Variants in ZHX2 observed in about 807,000 individuals in gnomAD.
The protein encoded by ZHX2 is zinc fingers and homeoboxes 2, also known as zinc fingers and homeoboxes protein 2.
A neutral mutation model predicts 21.9 loss-of-function variants in ZHX2; 6 were observed. The observed-to-expected ratio is 0.27, with a 90% CI of 0.15 to 0.54. The LOEUF is 0.54. Ranked by LOEUF, ZHX2 falls within the 20% of genes least tolerant of loss-of-function variation. The pLI, the probability that ZHX2 is intolerant of heterozygous loss-of-function variation, is 0.95. For missense variants in ZHX2, 908 were observed against 1,090.7 expected (o/e 0.83, Z 2.36); for synonymous variants, 434 against 437.1 (o/e 0.99, Z 0.09).
At chr8:122,918,479 C>A (rs1820657758) in intron 2 of ZHX2, among the ~76,000 whole-genome samples, 1 of 152,202 alleles carries the variant, frequency 6.6e-6, no homozygotes, top group South Asian at 2.1e-4. Flanking sequence ...CTTTGCCTTG[C>A]CCCTCATCCC....
At chr8:122,809,831 TATC>T (rs1817891241) in intron 1 of ZHX2, among the ~76,000 whole-genome samples, 1 of 152,198 alleles carries the variant, frequency 6.6e-6, no homozygotes, top group Non-Finnish European at 1.5e-5. Context: ...AAAGGGAGAT[TATC>T]ATTGTATCTA....
intron 2 of ZHX2, among the ~76,000 whole-genome samples, chr8:122,941,206 A>T (rs1200475202): frequency 6.6e-6 from 1 of 152,036 alleles, no homozygotes; most frequent in African/African-American, 2.4e-5. Context: ...TGATCATGCC[A>T]CTCCACTCCA....
At chr8:122,917,034 C>A (rs963421712) in intron 2 of ZHX2, among the ~76,000 whole-genome samples, 1 of 152,180 alleles carries the variant, frequency 6.6e-6, no homozygotes, top group Non-Finnish European at 1.5e-5. Context: ...TCCCCAGTCC[C>A]CCCCACCAGG....
In ZHX2 at chr8:122,952,558, G is replaced by A. The variant is rs375789703; in HGVS notation, c.1048G>A (p.Ala350Thr). 240 of 1,614,008 alleles carry A rather than the reference G, an allele frequency of 1.5e-4. No individual in the cohort carries two copies. The highest frequency in any genetic ancestry group is 3.3e-4 in the Middle Eastern group (2 of 6,084). ...ACCCCCGACCATCACTGTGCTGCCCGCCCAGTTGGCCCCCACAAAGGTGAC... is the reference window on the plus strand; with the variant it reads ...ACCCCCGACCATCACTGTGCTGCCCACCCAGTTGGCCCCCACAAAGGTGAC... ...SVPPTITVLP[A>T]QLAPTKVTQP... The change falls in exon 3 of 4, where the codon GCC becomes ACC. Residue 350 changes from alanine (A) to threonine (T), a missense_variant. By Grantham distance (58) the Ala-to-Thr change is moderately conservative. Around this residue, in one of 4 missense-constraint regions of ZHX2, gnomAD observed 232 missense variants for 361.8 expected, o/e 0.64. Transcript: ENST00000314393. The surrounding 1 kb of genome is among the most constrained non-coding windows in gnomAD (Gnocchi z 6.9).
intron 2 of ZHX2, among the ~76,000 whole-genome samples, chr8:122,943,310 G>A (rs760729572): frequency 3.3e-5 from 5 of 152,060 alleles, no homozygotes; most frequent in African/African-American, 9.7e-5. Flanking sequence ...TAGGCCCTAC[G>A]CCAGACACAC....
intron 2 of ZHX2, among the ~76,000 whole-genome samples, chr8:122,918,258 C>T (rs997337332): frequency 4.6e-5 from 7 of 152,354 alleles, no homozygotes; most frequent in East Asian, 3.9e-4. Context: ...TCATTCCAAT[C>T]GTTCAACATT....
Position 122,801,251 on chromosome 8 carries a change from G to T in ZHX2, c.-283+19305G>T, listed in dbSNP as rs958417880. On this transcript the variant is annotated intron_variant, in intron 1 of 3. Transcript: ENST00000314393. ...AAGTATCTGTAATAAAATTCTCAGG[G>T]CATATTGGGCAAATTATCATTTTAA... is the stretch of plus-strand genomic sequence containing the variant. Among the ~76,000 whole-genome samples the T allele has an allele frequency of 4.6e-5, 7 of 152,168 alleles. No individual in the cohort carries two copies. The South Asian group carries it at 8.3e-4, about 18-fold the overall frequency.
At chr8:122,847,289 C>T (rs1310295628) in intron 1 of ZHX2, among the ~76,000 whole-genome samples, 1 of 152,180 alleles carries the variant, frequency 6.6e-6, no homozygotes, top group Non-Finnish European at 1.5e-5. Context: ...AAGTCTGCCT[C>T]CCCACTGAGG....
intron 1 of ZHX2, among the ~76,000 whole-genome samples, chr8:122,860,968 G>A (rs1376820481): frequency 6.6e-6 from 1 of 150,996 alleles, no homozygotes; most frequent in Non-Finnish European, 1.5e-5. Context: ...AGGAGGCGGA[G>A]GTTGCAGTGA....
intron 1 of ZHX2, among the ~76,000 whole-genome samples, chr8:122,860,989 T>C (rs1359418931): frequency 3.6e-5 from 5 of 139,358 alleles, no homozygotes; most frequent in Non-Finnish European, 7.5e-5. Context: ...GCCGAGATCA[T>C]GCCACTGCAT....
In ZHX2 at chr8:122,953,940, C is replaced by A. The variant is rs1184355324; in HGVS notation, c.2430C>A (p.Ser810Arg). The A allele has an allele frequency of 1.9e-6, 3 of 1,614,004 alleles. No individual in the cohort carries two copies. The highest frequency in any genetic ancestry group is 2.5e-6 in the Non-Finnish European group (3 of 1,180,014). The change falls in exon 3 of 4, where the codon AGC becomes AGA. Residue 810 changes from serine to arginine, a missense_variant. Physicochemically the swap from Ser to Arg is moderately radical, Grantham distance 110 (BLOSUM62 -1). This residue lies in a region of ZHX2 where 431 missense variants were observed against 428.6 expected (regional missense o/e 1.01). Coordinates refer to ENST00000314393, the MANE Select transcript of ZHX2 (RefSeq NM_014943.5). This position sits in a 1 kb window ranked among gnomAD's most constrained non-coding sequence, Gnocchi z 4.6. ...EEDAISDRSD[S>R]WSQAAAEGVS... ...ATGCGATCTCAGATAGATCAGATAG[C>A]TGGAGTCAGGCTGCGGCAGAAGGTG...
At chr8:122,843,326 A>G (rs1170763615) in intron 1 of ZHX2, among the ~76,000 whole-genome samples, 7 of 152,238 alleles carry the variant, frequency 4.6e-5, no homozygotes, top group Non-Finnish European at 8.8e-5. Context: ...AGGACTTTCT[A>G]GAGCAAAACG....
chr8:122,807,561 G>T (rs1167634565), intron 1 of ZHX2, among the ~76,000 whole-genome samples: 4 of 152,220 alleles, frequency 2.6e-5, no homozygotes, highest in Admixed American at 6.5e-5. Flanking sequence ...CCAGGGATTT[G>T]TGGAAAACAC....
chr8:122,808,688 T>A (rs1213396882), intron 1 of ZHX2: 1 of 152,184 alleles, frequency 6.6e-6, no homozygotes, highest in Non-Finnish European at 1.5e-5. Flanking sequence ...AGCACAATGG[T>A]TAACCCATGT....
At chr8:122,822,011 G>A (rs1480079175) in intron 1 of ZHX2, among the ~76,000 whole-genome samples, 1 of 152,052 alleles carries the variant, frequency 6.6e-6, no homozygotes, top group Non-Finnish European at 1.5e-5. Context: ...AGCCTAGTGT[G>A]ACTTTAAAAG....
chr8:122,956,785 G>C (rs1293410645), intron 3 of ZHX2, among the ~76,000 whole-genome samples: 1 of 152,190 alleles, frequency 6.6e-6, no homozygotes, highest in South Asian at 2.1e-4. Flanking sequence ...TGTATCCCAA[G>C]GTAAGCTCAG....
chr8:122,868,720 A>T (rs927043592), intron 2 of ZHX2, among the ~76,000 whole-genome samples: 1 of 134,756 alleles, frequency 7.4e-6, no homozygotes, highest in African/African-American at 2.8e-5. Context: ...AAAAAAAAAA[A>T]ATAGCCAGAC....
chr8:122,878,844 A>AT (rs1368825784), intron 2 of ZHX2, among the ~76,000 whole-genome samples: 1 of 152,174 alleles, frequency 6.6e-6, no homozygotes, highest in African/African-American at 2.4e-5. Flanking sequence ...TATTCATATA[A>AT]TTTCTTCTGC....
chr8:122,963,499 G>A (rs1172445255), intron 3 of ZHX2, among the ~76,000 whole-genome samples: 1 of 152,150 alleles, frequency 6.6e-6, no homozygotes, highest in African/African-American at 2.4e-5. Flanking sequence ...TTTTATACCA[G>A]TACTATGCTG....
Sources: gnomAD v4.1 joint callset for allele counts (sites outside exome capture counted in the v4.1 genomes callset) on GRCh38, gnomAD v4.1.1 for gene constraint, gnomAD v4.1.1 regional missense constraint, Gnocchi (gnomAD v3.1) non-coding constraint, MANE v1.5 for transcripts, NCBI Gene and HGNC (gene_info 2026-07-23, HGNC 2026-07-21) for gene names.